EXD2: variants seen among roughly 807,000 people sequenced by gnomAD.
EXD2 encodes the protein exonuclease 3'-5' domain-containing protein 2.
In EXD2, 40 loss-of-function variants were observed where a neutral mutation model predicts 62.5. The observed-to-expected ratio is 0.64, with a 90% CI of 0.50 to 0.83. The LOEUF is 0.83. Among genes scored for constraint, EXD2 ranks in the 40% least tolerant of loss-of-function variants. The pLI is 0.00. For synonymous variants in EXD2, 239 were observed against 291.9 expected (o/e 0.82, Z 1.85); for missense variants, 671 against 761.8 (o/e 0.88, Z 1.40).
At chr14:69,195,458 A>C (rs1328394081) in intron 1 of EXD2, among the ~76,000 whole-genome samples, 3 of 152,166 alleles carry the variant, frequency 2.0e-5, no homozygotes, top group Admixed American at 6.5e-5. Flanking sequence ...TGGCCTTCCA[A>C]AATGCTGGGA....
chr14:69,237,516 C>G, intron 8 of EXD2, 59 bp from the exon 9 acceptor site: 1 of 1,529,826 alleles, frequency 6.5e-7, no homozygotes, highest in Non-Finnish European at 9.1e-7. Context: ...TGTCTGCTGT[C>G]TTCCCATGTG....
At chr14:69,212,290 T>C (rs1426806364) in intron 3 of EXD2, among the ~76,000 whole-genome samples, 1 of 151,284 alleles carries the variant, frequency 6.6e-6, no homozygotes, top group Non-Finnish European at 1.5e-5. Context: ...GGCAGGAGAA[T>C]TGCTTGAGCC....
intron 1 of EXD2, among the ~76,000 whole-genome samples, chr14:69,193,679 A>G (rs762672135): frequency 2.9e-4 from 44 of 152,292 alleles, no homozygotes; most frequent in Non-Finnish European, 4.7e-4. Context: ...ACTATATGGC[A>G]TCTTTGTTGA....
At chr14:69,223,666 C>G (rs891122632) in intron 3 of EXD2, among the ~76,000 whole-genome samples, 8 of 152,150 alleles carry the variant, frequency 5.3e-5, no homozygotes, top group Admixed American at 3.9e-4. Flanking sequence ...TTGCCCTTCT[C>G]CTGAGGCAGG....
intron 1 of EXD2, among the ~76,000 whole-genome samples, chr14:69,192,967 C>T (rs1286564665): frequency 1.3e-5 from 2 of 152,142 alleles, no homozygotes; most frequent in African/African-American, 4.8e-5. Context: ...GGATGGGTAC[C>T]TGCAGGTGGA....
chr14:69,229,927 T>C (rs1427492124), intron 4 of EXD2, among the ~76,000 whole-genome samples: 1 of 152,218 alleles, frequency 6.6e-6, no homozygotes, highest in Non-Finnish European at 1.5e-5. Context: ...GTTTGGCTTA[T>C]ATAAAGATCT....
chr14:69,218,503 C>A (rs998708422), intron 3 of EXD2, among the ~76,000 whole-genome samples: 9 of 152,114 alleles, frequency 5.9e-5, no homozygotes, highest in African/African-American at 2.2e-4. Flanking sequence ...ATGGTAGTTT[C>A]TTTTGCTGTG....
Position 69,207,202 on chromosome 14 carries a change from T to A in EXD2, c.-47-2222T>A, listed in dbSNP as rs557644508. On this transcript the variant is annotated intron_variant, in intron 2 of 9. Transcript: ENST00000685843. Reference sequence around the variant, plus strand: ...TCCAGAAGTTATTGTAAATATGAAATTTTTTTTTTGGCCCAGTGCAGTGGC... The same window carrying A: ...TCCAGAAGTTATTGTAAATATGAAAATTTTTTTTTGGCCCAGTGCAGTGGC... Among the ~76,000 whole-genome samples the A allele has an allele frequency of 7.3e-5, 11 of 150,526 alleles. No individual in the cohort carries two copies. In the South Asian group the frequency reaches 2.1e-3, roughly 29 times the overall value.
Position 69,234,785 on chromosome 14 carries a change from G to A in EXD2, c.803G>A (p.Gly268Glu). The A allele has an allele frequency of 6.2e-7, 1 of 1,614,028 alleles. No individual in the cohort carries two copies. Among genetic ancestry groups the A allele is most frequent in the Non-Finnish European group, 8.5e-7 (1 of 1,180,014 alleles). The change falls in exon 6 of 10, where the codon GGA becomes GAA. Residue 268 changes from glycine (G) to glutamate (E), a missense_variant. Transcript: ENST00000685843. ...LGYPFSRNSP[G>E]EKNDDHSSWR... is the part of the protein sequence containing the mutation. Reference sequence around the variant, plus strand: ...TACCCTTTCTCTAGGAATTCACCTGGAGAAAAAAACGATGACCACAGTAGC... The same window carrying A: ...TACCCTTTCTCTAGGAATTCACCTGAAGAAAAAAACGATGACCACAGTAGC...
chr14:69,236,581 G>C (rs771623552), intron 8 of EXD2, 39 bp downstream of exon 8: 1 of 1,613,524 alleles, frequency 6.2e-7, no homozygotes, highest in South Asian at 1.1e-5. Flanking sequence ...GTCTGTGGCA[G>C]ATGGAAATTG....
intron 3 of EXD2, among the ~76,000 whole-genome samples, chr14:69,215,340 C>T (rs1233321816): frequency 5.0e-5 from 7 of 139,708 alleles, no homozygotes; most frequent in African/African-American, 1.6e-4. Flanking sequence ...GTGTATAATA[C>T]AATATATCAT....
At chr14:69,196,933 T>A (rs1004476834) in intron 1 of EXD2, among the ~76,000 whole-genome samples, 2 of 152,182 alleles carry the variant, frequency 1.3e-5, no homozygotes, top group African/African-American at 2.4e-5. Context: ...TTTGTTTTTT[T>A]GAATAGAACC....
At chr14:69,212,440 T>C (rs184644646) in intron 3 of EXD2, among the ~76,000 whole-genome samples, 1 of 152,162 alleles carries the variant, frequency 6.6e-6, no homozygotes, top group Non-Finnish European at 1.5e-5. Flanking sequence ...TATTTATTCC[T>C]CCATTCCTGT....
intron 9 of EXD2, 111 bp from the exon 10 acceptor site, chr14:69,240,773 T>C: frequency 1.2e-6 from 1 of 818,594 alleles, no homozygotes; most frequent in Non-Finnish European, 2.0e-6. Flanking sequence ...ACTAACCCTT[T>C]AGGAGTCCTT....
intron 9 of EXD2, 34 bp downstream of exon 9, chr14:69,237,965 G>A (rs2043856643): frequency 6.7e-7 from 1 of 1,499,798 alleles, no homozygotes; most frequent in Non-Finnish European, 9.0e-7. Context: ...ATGTACCAGG[G>A]ACATTAACCC....
chr14:69,225,374 G>A (rs1323569063), intron 3 of EXD2, among the ~76,000 whole-genome samples: 1 of 152,046 alleles, frequency 6.6e-6, no homozygotes, highest in Non-Finnish European at 1.5e-5. Context: ...AAGCCAAAAT[G>A]GATTATCCCC....
At chr14:69,212,293 C>T (rs529232448) in intron 3 of EXD2, among the ~76,000 whole-genome samples, 2 of 151,500 alleles carry the variant, frequency 1.3e-5, no homozygotes, top group South Asian at 4.1e-4. Flanking sequence ...AGGAGAATTG[C>T]TTGAGCCCAG....
intron 3 of EXD2, among the ~76,000 whole-genome samples, chr14:69,215,296 A>ATGTGTGTGTGTGTGTGTGTG (rs1373614464): frequency 1.7e-5 from 1 of 59,652 alleles, no homozygotes; most frequent in African/African-American, 5.1e-5. Flanking sequence ...TCTCAAAAAT[A>ATGTGTGTGTGTGTGTGTGTG]TATGTGTGTG....
chr14:69,241,933 G>C lies in EXD2; in HGVS notation c.*833G>C. Reference sequence around the variant, plus strand: ...TTTTTAGCTTCACCCCTTTCTGAGAGTAATGTTATCTTTTATCAGAATCAG... The same window carrying C: ...TTTTTAGCTTCACCCCTTTCTGAGACTAATGTTATCTTTTATCAGAATCAG... On this transcript the variant is annotated 3_prime_UTR_variant, in exon 10 of 10. Coordinates refer to ENST00000685843, the MANE Select transcript of EXD2 (RefSeq NM_001193360.2). 1 of 398,882 alleles carries C rather than the reference G, an allele frequency of 2.5e-6. No individual in the cohort carries two copies. Among genetic ancestry groups the C allele is most frequent in the Non-Finnish European group, 4.4e-6 (1 of 226,076 alleles). The allele number at this position is 398,882 out of a possible 1,614,324, so 24.7% of individuals were successfully genotyped here.
Sources: allele counts gnomAD v4.1 joint callset (sites outside exome capture counted in the v4.1 genomes callset), GRCh38; gene constraint gnomAD v4.1.1; transcripts MANE v1.5; gene names NCBI Gene and HGNC (gene_info 2026-07-23, HGNC 2026-07-21).